Variants in MTDH observed in about 807,000 individuals in gnomAD.
MTDH encodes metadherin, also known as protein LYRIC.
In MTDH, 34 loss-of-function variants were observed where a neutral mutation model predicts 72.7. The ratio of observed to expected loss-of-function variants is 0.47; its 90% CI spans 0.36 to 0.62. MTDH has a LOEUF of 0.62. MTDH is among the 20% of genes least tolerant of loss of function. MTDH has a pLI of 0.00. For missense variants in MTDH, 677 were observed against 699.4 expected (o/e 0.97, Z 0.36); for synonymous variants, 266 against 268.9 (o/e 0.99, Z 0.10).
At position 97,644,484 on chromosome 8, in the gene MTDH, G is replaced by C. The variant is rs1394289907; in HGVS notation, c.-23G>C. ...TCTCCGCGCCCCGGCGTCATCCTGC[G>C]AGTCCCTCTGACGGGAGGGAAGATG... is the stretch of plus-strand genomic sequence containing the variant. On this transcript the variant is annotated 5_prime_UTR_variant, in exon 1 of 12. Coordinates refer to ENST00000336273, the MANE Select transcript of MTDH (RefSeq NM_178812.4). The C allele has an allele frequency of 2.6e-6, 4 of 1,548,140 alleles. No homozygotes were observed. Among genetic ancestry groups the C allele is most frequent in the Non-Finnish European group, 3.5e-6 (4 of 1,155,896 alleles).
At chr8:97,691,610 C>T (rs912818128) in intron 6 of MTDH, among the ~76,000 whole-genome samples, 26 of 151,918 alleles carry the variant, frequency 1.7e-4, no homozygotes, top group African/African-American at 6.1e-4. Flanking sequence ...TTAAATTTTC[C>T]TCCGGATTTT....
chr8:97,724,946 C>T lies in MTDH; in HGVS notation c.*276C>T. The T allele has an allele frequency of 4.1e-6, 1 of 241,862 alleles. No individual in the cohort carries two copies. Among genetic ancestry groups the T allele is most frequent in the Non-Finnish European group, 8.0e-6 (1 of 124,684 alleles). The allele number at this position is 241,862 out of a possible 1,614,324, so 15.0% of individuals were successfully genotyped here. ...ATTTAAGAATATTATCCTGGTTTAACAACAGTGCCCTGTTTACAACAGATT... is the reference window on the plus strand; with the variant it reads ...ATTTAAGAATATTATCCTGGTTTAATAACAGTGCCCTGTTTACAACAGATT... On this transcript the variant is annotated 3_prime_UTR_variant, in exon 12 of 12. Coordinates refer to ENST00000336273, the MANE Select transcript of MTDH (RefSeq NM_178812.4).
At chr8:97,716,448 G>A (rs953448240) in intron 9 of MTDH, among the ~76,000 whole-genome samples, 4 of 151,992 alleles carry the variant, frequency 2.6e-5, no homozygotes, top group Non-Finnish European at 1.5e-5. Context: ...CCCAGCACCT[G>A]TGAGGCCGAG....
intron 9 of MTDH, among the ~76,000 whole-genome samples, chr8:97,718,497 T>A (rs978310687): frequency 2.1e-4 from 31 of 147,344 alleles, no homozygotes; most frequent in Non-Finnish European, 8.9e-5. Flanking sequence ...TTTTGTGGGT[T>A]TTTTTTTGTT....
intron 7 of MTDH, among the ~76,000 whole-genome samples, chr8:97,701,578 T>G (rs905725777): frequency 1.3e-5 from 2 of 152,282 alleles, no homozygotes; most frequent in Admixed American, 6.5e-5. Context: ...GCACTATTTT[T>G]GGGGAAAAAA....
intron 7 of MTDH, among the ~76,000 whole-genome samples, chr8:97,704,023 C>T (rs1814247288): frequency 6.6e-6 from 1 of 152,180 alleles, no homozygotes; most frequent in Admixed American, 6.5e-5. Context: ...AATACTGACT[C>T]CAGATACTTG....
intron 2 of MTDH, among the ~76,000 whole-genome samples, chr8:97,675,802 G>T (rs1812820622): frequency 6.6e-6 from 1 of 151,722 alleles, no homozygotes; most frequent in African/African-American, 2.4e-5. Context: ...AGCCCAGGAG[G>T]TAGAAGTTGC....
At chr8:97,680,853 C>T (rs1028167242) in intron 2 of MTDH, among the ~76,000 whole-genome samples, 2 of 152,100 alleles carry the variant, frequency 1.3e-5, no homozygotes, top group African/African-American at 4.8e-5. Flanking sequence ...ATGAAGCATT[C>T]AAATAAAGGG....
intron 1 of MTDH, among the ~76,000 whole-genome samples, chr8:97,646,609 T>G (rs578189777): frequency 3.5e-4 from 54 of 152,334 alleles, no homozygotes; most frequent in African/African-American, 1.2e-3. Flanking sequence ...CAAGAACCCA[T>G]CCGACATGCG....
Position 97,727,363 on chromosome 8 carries a change from GGTA to G in MTDH, c.*2696_*2698del, listed in dbSNP as rs1228224516. 6.6e-6 allele frequency: 1 copy of G among 152,136 alleles called. No individual in the cohort carries two copies. The highest frequency in any genetic ancestry group is 1.5e-5 in the Non-Finnish European group (1 of 68,178). 9.4% of individuals were successfully genotyped at this position (152,136 alleles called of 1,614,324 possible). ...AAATTTGCAAAAAGTAGATGGGTGT[GGTA>G]GTGGGCGCCTGTAATCCCAGCTACT... On this transcript the variant is annotated 3_prime_UTR_variant, in exon 12 of 12. Transcript: ENST00000336273.
At position 97,721,087 on chromosome 8, in the gene MTDH, C is replaced by T. The variant is rs1434905944; in HGVS notation, c.1522-1792C>T. Among the ~76,000 whole-genome samples the T allele has an allele frequency of 3.3e-5, 5 of 152,044 alleles. No homozygotes were observed. In the East Asian group the frequency reaches 7.7e-4, roughly 23 times the overall value. ...AGATTAAAAATAAGTAACAATAAAA[C>T]TTCTGGATATGAAATAAATACAGGG... On this transcript the variant is annotated intron_variant, in intron 10 of 11. Transcript: ENST00000336273.
chr8:97,644,244 C>CT lies in MTDH; in HGVS notation c.-261dup, dbSNP rs1206039048. On this transcript the variant is annotated 5_prime_UTR_variant, in exon 1 of 12. Transcript: ENST00000336273. Reference sequence around the variant, plus strand: ...GCCTGGCGCTGGCGCCGAGACGCCGCTTAGCGGCCGCCACTGGAGACACTC... The same window carrying CT: ...GCCTGGCGCTGGCGCCGAGACGCCGCTTTAGCGGCCGCCACTGGAGACACTC... The CT allele has an allele frequency of 2.0e-6, 1 of 496,696 alleles. No individual in the cohort carries two copies. The highest frequency in any genetic ancestry group is 2.0e-5 in the African/African-American group (1 of 48,800). 30.8% of individuals were successfully genotyped at this position (496,696 alleles called of 1,614,324 possible).
At chr8:97,697,150 A>ATATATTTTTTTT in intron 6 of MTDH, among the ~76,000 whole-genome samples, 4 of 68,794 alleles carry the variant, frequency 5.8e-5, no homozygotes, top group African/African-American at 3.6e-4. Flanking sequence ...ATATATATAT[A>ATATATTTTTTTT]TTTTTTTTTT....
At chr8:97,693,605 C>T (rs542196418) in intron 6 of MTDH, among the ~76,000 whole-genome samples, 2 of 152,260 alleles carry the variant, frequency 1.3e-5, no homozygotes, top group African/African-American at 2.4e-5. Context: ...GGATGACAGG[C>T]GTGAGCCACC....
intron 7 of MTDH, 74 bp downstream of exon 7, chr8:97,699,926 GTTTTAA>G: frequency 3.2e-6 from 3 of 926,714 alleles, no homozygotes; most frequent in Non-Finnish European, 5.0e-6. Context: ...CATGCTTTAT[GTTTTAA>G]TTTTAATTCT....
rs928388596 is a variant in MTDH at position 97,648,884 on chromosome 8, A to G, written c.381+3997A>G. ...AAAAGTATTTATACAGCTTACTCCT[A>G]TTATTCATGCTTGGTAAATACCTAT... On this transcript the variant is annotated intron_variant, in intron 1 of 11. Coordinates refer to ENST00000336273, the MANE Select transcript of MTDH (RefSeq NM_178812.4). Among the ~76,000 whole-genome samples, 11 of 152,188 alleles carry G rather than the reference A, an allele frequency of 7.2e-5. No homozygotes were observed. The South Asian group carries it at 1.9e-3, about 26-fold the overall frequency.
chr8:97,690,713 A>C (rs1813568115), intron 5 of MTDH, among the ~76,000 whole-genome samples: 1 of 152,064 alleles, frequency 6.6e-6, no homozygotes, highest in Non-Finnish European at 1.5e-5. Flanking sequence ...AATATGTGTC[A>C]TTTTCCTCTT....
intron 2 of MTDH, among the ~76,000 whole-genome samples, chr8:97,668,729 A>G (rs1812489857): frequency 6.6e-6 from 1 of 151,836 alleles, no homozygotes; most frequent in Non-Finnish European, 1.5e-5. Flanking sequence ...TAATTTTTGT[A>G]TTTTTAATAG....
At chr8:97,696,983 T>C (rs945166224) in intron 6 of MTDH, among the ~76,000 whole-genome samples, 2 of 150,608 alleles carry the variant, frequency 1.3e-5, no homozygotes, top group Non-Finnish European at 3.0e-5. Flanking sequence ...TGGTGGTATT[T>C]GCCTGTGGTC....
Sources: allele counts gnomAD v4.1 joint callset (sites outside exome capture counted in the v4.1 genomes callset), GRCh38; gene constraint gnomAD v4.1.1; transcripts MANE v1.5; gene names NCBI Gene and HGNC (gene_info 2026-07-23, HGNC 2026-07-21).